The following CYP39A1 variants were observed in gnomAD, a reference collection of about 807,000 sequenced individuals.
The protein encoded by CYP39A1 is 24-hydroxycholesterol 7-alpha-hydroxylase.
Under a neutral mutation model 58.1 loss-of-function variants are expected in CYP39A1, and 49 were observed. The observed-to-expected ratio is 0.84, with a 90% confidence interval of 0.67 to 1.07. CYP39A1 has a LOEUF of 1.07. CYP39A1 is among the 50% of genes least tolerant of loss of function. CYP39A1 has a pLI of 0.00. For synonymous variants in CYP39A1, 209 were observed against 187.6 expected (o/e 1.11, Z -0.93); for missense variants, 531 against 539.4 (o/e 0.98, Z 0.16).
intron 10 of CYP39A1, 120 bp from the exon 11 acceptor site, chr6:46,553,974 C>G: frequency 6.0e-6 from 4 of 663,678 alleles, no homozygotes; most frequent in Non-Finnish European, 1.0e-5. Flanking sequence ...ACAATATACT[C>G]TTTTCCTATT....
chr6:46,597,990 T>C (rs184184742), intron 7 of CYP39A1, among the ~76,000 whole-genome samples: 9 of 152,292 alleles, frequency 5.9e-5, no homozygotes, highest in Admixed American at 3.9e-4. Context: ...GTTTTCCTTT[T>C]CCGTAACAAA....
chr6:46,610,394 T>C (rs1356648581), intron 7 of CYP39A1, among the ~76,000 whole-genome samples: 1 of 152,170 alleles, frequency 6.6e-6, no homozygotes, highest in Admixed American at 6.6e-5. Flanking sequence ...CAGGCTGGAG[T>C]GCAGTGGCAC....
At chr6:46,557,668 G>T (rs1338259668) in intron 10 of CYP39A1, among the ~76,000 whole-genome samples, 1 of 149,550 alleles carries the variant, frequency 6.7e-6, no homozygotes, top group Non-Finnish European at 1.5e-5. Flanking sequence ...GCAAGGCACA[G>T]TGGCTCACAC....
intron 10 of CYP39A1, among the ~76,000 whole-genome samples, chr6:46,583,963 G>C (rs572377976): frequency 6.6e-6 from 1 of 152,202 alleles, no homozygotes; most frequent in Non-Finnish European, 1.5e-5. Context: ...TGAGTATTTG[G>C]TGCATGAGAA....
chr6:46,616,186 TCTTCTTTCCCTCCCTCCCTCCCTCC>T (rs1561994109), intron 7 of CYP39A1, among the ~76,000 whole-genome samples: 1 of 19,318 alleles, frequency 5.2e-5, no homozygotes, highest in African/African-American at 2.1e-4. Flanking sequence ...TTTCTTTCTT[TCTTCTTTCCCTCCCTCCCTCCCTCC>T]CTCCCTCCCT....
At chr6:46,553,608 G>A (rs949971759) in intron 11 of CYP39A1, among the ~76,000 whole-genome samples, 159 bp downstream of exon 11, 8 of 152,292 alleles carry the variant, frequency 5.3e-5, no homozygotes, top group African/African-American at 1.2e-4. Context: ...TAAGGAGACC[G>A]AGTATCTTCT....
At position 46,625,386 on chromosome 6, in the gene CYP39A1, G is replaced by T. The variant is rs372680314; in HGVS notation, c.931+32C>A. 4.8e-6 allele frequency: 7 copies of T among 1,448,942 alleles called. No homozygotes were observed. In the African/African-American group the frequency reaches 8.4e-5, roughly 17 times the overall value. 89.8% of individuals were successfully genotyped at this position (1,448,942 alleles called of 1,614,324 possible). On this transcript the variant is annotated intron_variant, in intron 7 of 11. Coordinates refer to ENST00000275016, the MANE Select transcript of CYP39A1 (RefSeq NM_016593.5). ...AATGTGTGACAAACATGCATTATTA[G>T]CTGTGTCTTCCTATATAATAAGGTT...
At chr6:46,613,378 G>T (rs1025344227) in intron 7 of CYP39A1, among the ~76,000 whole-genome samples, 1 of 152,186 alleles carries the variant, frequency 6.6e-6, no homozygotes, top group African/African-American at 2.4e-5. Flanking sequence ...CAATTAGTGA[G>T]TGACAAGATT....
intron 10 of CYP39A1, among the ~76,000 whole-genome samples, chr6:46,558,635 C>T (rs141895853): frequency 6.6e-6 from 1 of 152,088 alleles, no homozygotes; most frequent in Non-Finnish European, 1.5e-5. Context: ...AGAGATCAGC[C>T]TAAGTAATCT....
intron 7 of CYP39A1, among the ~76,000 whole-genome samples, chr6:46,601,397 G>A (rs1312095422): frequency 6.6e-6 from 1 of 151,994 alleles, no homozygotes; most frequent in African/African-American, 2.4e-5. Flanking sequence ...CAGGACCCAC[G>A]AATGGCTTCA....
At chr6:46,646,798 T>C (rs183486600) in intron 1 of CYP39A1, among the ~76,000 whole-genome samples, 2 of 152,218 alleles carry the variant, frequency 1.3e-5, no homozygotes, top group Non-Finnish European at 2.9e-5. Context: ...AATACGTTTT[T>C]CTAAGAATTG....
At chr6:46,617,553 T>C (rs1357504698) in intron 7 of CYP39A1, among the ~76,000 whole-genome samples, 2 of 152,188 alleles carry the variant, frequency 1.3e-5, no homozygotes, top group East Asian at 3.9e-4. Flanking sequence ...TGGAACAGAA[T>C]AAAGCTGGAA....
intron 7 of CYP39A1, among the ~76,000 whole-genome samples, chr6:46,612,490 T>C (rs1046889413): frequency 1.3e-5 from 2 of 152,210 alleles, no homozygotes; most frequent in African/African-American, 2.4e-5. Flanking sequence ...GTAATCTATA[T>C]GTGGTCTTCA....
chr6:46,565,250 G>A (rs1304976593), intron 10 of CYP39A1, among the ~76,000 whole-genome samples: 1 of 152,060 alleles, frequency 6.6e-6, no homozygotes, highest in Non-Finnish European at 1.5e-5. Context: ...GTTAGAAGAT[G>A]CAGTTTGCCA....
Position 46,617,130 on chromosome 6 carries a change from G to T in CYP39A1, c.931+8288C>A, listed in dbSNP as rs147257185. On this transcript the variant is annotated intron_variant, in intron 7 of 11. Coordinates refer to ENST00000275016, the MANE Select transcript of CYP39A1 (RefSeq NM_016593.5). ...GGTTAAGTGGCCCTTAATTTCTTTG[G>T]GTAATTCTATTGTCTTGGCAGACAC... 2.6e-4 allele frequency among the ~76,000 whole-genome samples: 39 copies of T among 152,126 alleles called. 3 individuals carry two copies. The East Asian group carries it at 6.0e-3, about 23-fold the overall frequency.
intron 1 of CYP39A1, 76 bp downstream of exon 1, chr6:46,652,330 T>C (rs1334596952): frequency 2.8e-6 from 4 of 1,430,766 alleles, no homozygotes; most frequent in Non-Finnish European, 2.8e-6. Context: ...AGCCCTGCAC[T>C]TAAGAGTCAA....
chr6:46,596,109 T>C lies in CYP39A1; in HGVS notation c.943A>G (p.Ile315Val), dbSNP rs781247455. 2.1e-5 allele frequency: 33 copies of C among 1,600,998 alleles called. No individual in the cohort carries two copies. The highest frequency in any genetic ancestry group is 2.8e-5 in the Non-Finnish European group (33 of 1,175,734). ...TCCAGGTCATCCTCAGACACTTTAA[T>C]CTTATCTTTGCCTGTAAAAAAATTT... ...SVFGKAGKDKIKVSEDDLENL... is the reference protein window; with the variant it reads ...SVFGKAGKDKVKVSEDDLENL... The change falls in exon 8 of 12, where the codon ATT becomes GTT. Residue 315 changes from isoleucine (I) to valine (V), a missense_variant. By Grantham distance (29) the Ile-to-Val change is conservative. Coordinates refer to ENST00000275016, the MANE Select transcript of CYP39A1 (RefSeq NM_016593.5).
At chr6:46,565,495 A>G (rs1012054453) in intron 10 of CYP39A1, among the ~76,000 whole-genome samples, 2 of 143,822 alleles carry the variant, frequency 1.4e-5, no homozygotes, top group African/African-American at 5.8e-5. Context: ...CATAAAAAAA[A>G]GAAGAAAATG....
chr6:46,595,771 A>C (rs1308320848), intron 8 of CYP39A1, among the ~76,000 whole-genome samples: 1 of 152,046 alleles, frequency 6.6e-6, no homozygotes, highest in Non-Finnish European at 1.5e-5. Flanking sequence ...GAAAACTGAT[A>C]AGCAAGTGAA....
Sources: allele counts gnomAD v4.1 joint callset (sites outside exome capture counted in the v4.1 genomes callset), GRCh38; gene constraint gnomAD v4.1.1; transcripts MANE v1.5; gene names NCBI Gene and HGNC (gene_info 2026-07-23, HGNC 2026-07-21).